Variants in TENM2 observed in about 807,000 individuals in gnomAD.
The protein encoded by TENM2 is teneurin transmembrane protein 2.
Under a neutral mutation model 245.2 loss-of-function variants are expected in TENM2, and 52 were observed. The ratio of observed to expected loss-of-function variants is 0.21; its 90% CI spans 0.17 to 0.27. The LOEUF is 0.27. Among genes scored for constraint, TENM2 ranks in the 10% least tolerant of loss-of-function variants. TENM2 has a pLI of 1.00. For missense variants in TENM2, 3,046 were observed against 3,666.8 expected (o/e 0.83, Z 4.37); for synonymous variants, 1,363 against 1,438.9 (o/e 0.95, Z 1.19).
chr5:167,156,186 A>T, the TENM2 span, among the ~76,000 whole-genome samples: 1 of 152,194 alleles, frequency 6.6e-6, no homozygotes, highest in Non-Finnish European at 1.5e-5. Context: ...GAGAATTCTC[A>T]AGTAAAATCG....
chr5:168,186,358 C>T (rs1175837211), intron 13 of TENM2: 3 of 152,170 alleles, frequency 2.0e-5, no homozygotes, highest in Non-Finnish European at 4.4e-5. Flanking sequence ...GTATCATTCC[C>T]AGAAAGTTTC....
intron 2 of TENM2, among the ~76,000 whole-genome samples, chr5:167,508,097 G>A (rs995913703): frequency 5.9e-5 from 9 of 152,124 alleles, no homozygotes; most frequent in Non-Finnish European, 1.2e-4. Flanking sequence ...GCTATCTATT[G>A]AAGCACCCAG....
chr5:167,764,870 C>T (rs1762905832), intron 2 of TENM2, among the ~76,000 whole-genome samples: 1 of 152,178 alleles, frequency 6.6e-6, no homozygotes, highest in South Asian at 2.1e-4. Context: ...TGCTGATGAA[C>T]TGCTCAGCTA....
At chr5:167,024,835 A>G in the TENM2 span, among the ~76,000 whole-genome samples, 1 of 152,148 alleles carries the variant, frequency 6.6e-6, no homozygotes, top group African/African-American at 2.4e-5. Flanking sequence ...ATCTTTTTTC[A>G]ACACCTGATA....
At chr5:167,777,149 C>T (rs892654434) in intron 2 of TENM2, among the ~76,000 whole-genome samples, 1 of 152,064 alleles carries the variant, frequency 6.6e-6, no homozygotes, top group African/African-American at 2.4e-5. Context: ...ATATGTTTTA[C>T]AGAGGAGACA....
intron 2 of TENM2, among the ~76,000 whole-genome samples, chr5:167,379,584 T>C (rs1360319838): frequency 6.6e-6 from 1 of 152,134 alleles, no homozygotes; most frequent in Non-Finnish European, 1.5e-5. Context: ...CCCACTCTAT[T>C]ACTCTTACAT....
intron 2 of TENM2, among the ~76,000 whole-genome samples, chr5:167,786,773 C>G (rs889272375): frequency 6.6e-6 from 1 of 152,180 alleles, no homozygotes; most frequent in Non-Finnish European, 1.5e-5. Context: ...CTTTACCACC[C>G]AGGAGCTTTA....
chr5:167,368,146 T>G (rs2127289968), intron 1 of TENM2, among the ~76,000 whole-genome samples: 1 of 152,326 alleles, frequency 6.6e-6, no homozygotes, highest in South Asian at 2.1e-4. Flanking sequence ...AAAAATAATT[T>G]ATTGCAACTG....
intron 2 of TENM2, among the ~76,000 whole-genome samples, chr5:167,700,844 C>CT (rs1758091134): frequency 6.7e-5 from 10 of 149,704 alleles, no homozygotes; most frequent in Non-Finnish European, 1.2e-4. Flanking sequence ...ATTCTATGTT[C>CT]AGTACCATTA....
At chr5:167,479,156 A>G (rs1457196523) in intron 2 of TENM2, among the ~76,000 whole-genome samples, 1 of 152,176 alleles carries the variant, frequency 6.6e-6, no homozygotes, top group African/African-American at 2.4e-5. Flanking sequence ...AAAGTTAGAC[A>G]CTGGACCAAA....
At chr5:167,111,736 G>A in the TENM2 span, among the ~76,000 whole-genome samples, 1 of 151,986 alleles carries the variant, frequency 6.6e-6, no homozygotes, top group Non-Finnish European at 1.5e-5. Context: ...AAATCTTTAG[G>A]TTCAAATATA....
the TENM2 span, among the ~76,000 whole-genome samples, chr5:167,223,450 T>C: frequency 3.9e-5 from 6 of 152,094 alleles, no homozygotes; most frequent in Non-Finnish European, 2.9e-5. Flanking sequence ...TATTTGTCTT[T>C]CTGTGCCTGA....
chr5:167,536,299 C>T (rs1339116409), intron 2 of TENM2, among the ~76,000 whole-genome samples: 1 of 151,702 alleles, frequency 6.6e-6, no homozygotes, highest in African/African-American at 2.4e-5. Context: ...AAAAAAAGAC[C>T]CAAAGGGTGT....
intron 20 of TENM2, among the ~76,000 whole-genome samples, chr5:168,213,338 G>A (rs1325720472): frequency 1.3e-5 from 2 of 152,146 alleles, no homozygotes; most frequent in East Asian, 3.8e-4. Flanking sequence ...CACCCAGATT[G>A]TTCCTAAAAA....
chr5:168,236,556 C>A (rs1765440080), intron 25 of TENM2, among the ~76,000 whole-genome samples: 1 of 152,174 alleles, frequency 6.6e-6, no homozygotes, highest in Admixed American at 6.5e-5. Flanking sequence ...TCATCCTCAT[C>A]AGTCCCAGCT....
chr5:168,234,653 A>T (rs1314717862), intron 25 of TENM2, among the ~76,000 whole-genome samples: 3 of 152,128 alleles, frequency 2.0e-5, no homozygotes, highest in Non-Finnish European at 2.9e-5. Context: ...TTTGGAAGAG[A>T]GAACTGAAAT....
At chr5:167,418,331 AT>A (rs1378762157) in intron 2 of TENM2, among the ~76,000 whole-genome samples, 2 of 150,312 alleles carry the variant, frequency 1.3e-5, no homozygotes, top group South Asian at 2.1e-4. Flanking sequence ...AAAAAAAAAT[AT>A]TGCTTTGGAG....
the TENM2 span, among the ~76,000 whole-genome samples, chr5:167,219,308 CA>C: frequency 7.1e-6 from 1 of 140,390 alleles, no homozygotes; most frequent in African/African-American, 3.2e-5. Context: ...TCAAAACAAA[CA>C]AACAAACAAA....
chr5:167,469,271 T>C (rs1176291974), intron 2 of TENM2, among the ~76,000 whole-genome samples: 1 of 152,160 alleles, frequency 6.6e-6, no homozygotes, highest in Admixed American at 6.5e-5. Context: ...ACATGTTTGA[T>C]GGTTACTTAA....
Sources: allele counts gnomAD v4.1 joint callset (sites outside exome capture counted in the v4.1 genomes callset), GRCh38; gene constraint gnomAD v4.1.1; transcripts MANE v1.5; gene names NCBI Gene and HGNC (gene_info 2026-07-23, HGNC 2026-07-21).